The following SMYD1 variants were observed in gnomAD, a reference collection of about 807,000 sequenced individuals.
The protein encoded by SMYD1 is histone-lysine N-methyltransferase SMYD1.
In SMYD1, 49 loss-of-function variants were observed where a neutral mutation model predicts 54.0. The observed-to-expected ratio is 0.91, with a 90% confidence interval of 0.72 to 1.15. The LOEUF is 1.15. SMYD1 is among the 50% of genes most tolerant of loss of function. The pLI is 0.00. For missense variants in SMYD1, 653 were observed against 639.6 expected (o/e 1.02, Z -0.23); for synonymous variants, 269 against 234.2 (o/e 1.15, Z -1.36).
chr2:88,083,690 T>G (rs904775236), intron 1 of SMYD1, among the ~76,000 whole-genome samples: 1 of 152,236 alleles, frequency 6.6e-6, no homozygotes, highest in African/African-American at 2.4e-5. Flanking sequence ...CTCTAGTAAT[T>G]TGTGGTATTC....
chr2:88,077,169 C>T (rs185802174), intron 1 of SMYD1, among the ~76,000 whole-genome samples: 1 of 152,226 alleles, frequency 6.6e-6, no homozygotes, highest in Non-Finnish European at 1.5e-5. Flanking sequence ...ATGCAGGCAC[C>T]TTGTCTTTGC....
Position 88,111,067 on chromosome 2 carries a change from G to C in SMYD1, c.*555G>C, listed in dbSNP as rs1209085336. On this transcript the variant is annotated 3_prime_UTR_variant, in exon 10 of 10. Coordinates refer to ENST00000419482, the MANE Select transcript of SMYD1 (RefSeq NM_198274.4). ...TTGGCTGAGCAGGATATGTGATACT[G>C]TGTGGTTGGTGTGGAGTTTTGAAGA... 5.2e-5 allele frequency: 8 copies of C among 152,652 alleles called. No individual in the cohort carries two copies. The highest frequency in any genetic ancestry group is 1.2e-4 in the Non-Finnish European group (8 of 68,278). The allele number at this position is 152,652 out of a possible 1,614,324, so 9.5% of individuals were successfully genotyped here. A position where few individuals can be genotyped will look rare whatever the true frequency, so the allele number is the denominator to read the frequency against.
intron 1 of SMYD1, among the ~76,000 whole-genome samples, chr2:88,069,813 G>A (rs1673907507): frequency 6.6e-6 from 1 of 152,128 alleles, no homozygotes; most frequent in African/African-American, 2.4e-5. Context: ...CATTATACAA[G>A]CTATTATGCT....
At chr2:88,110,262 G>A (rs1002950962) in intron 9 of SMYD1, 92 bp from the exon 10 acceptor site, 255 of 1,366,824 alleles carry the variant, frequency 1.9e-4, no homozygotes, top group Non-Finnish European at 2.3e-4. Context: ...TTGAATCTCC[G>A]TGGCTGGAAA....
intron 1 of SMYD1, among the ~76,000 whole-genome samples, chr2:88,077,822 C>G (rs1017821479): frequency 2.0e-5 from 3 of 150,764 alleles, no homozygotes; most frequent in African/African-American, 7.3e-5. Flanking sequence ...CTCCCAGGTT[C>G]AAGCGATTCT....
Position 88,106,721 on chromosome 2 carries a change from A to G in SMYD1, c.1145+233A>G, listed in dbSNP as rs145450665. The stretch of plus-strand genomic sequence containing the variant: ...TATTTGTCATCCCTGGTCTTTCCCA[A>G]ATTCTCCAGCACATCTATCACTTGG... On this transcript the variant is annotated intron_variant, in intron 8 of 9. Transcript: ENST00000419482. Among the ~76,000 whole-genome samples, 539 of 152,178 alleles carry G rather than the reference A, an allele frequency of 3.5e-3. 4 individuals are homozygous for G. The highest frequency in any genetic ancestry group is 0.013 in the African/African-American group (527 of 41,514).
At chr2:88,104,241 C>G (rs1674803302) in intron 7 of SMYD1, among the ~76,000 whole-genome samples, 1 of 152,198 alleles carries the variant, frequency 6.6e-6, no homozygotes, top group Non-Finnish European at 1.5e-5. Context: ...GCTGGGATTA[C>G]AGGCGTGAGC....
At chr2:88,068,961 A>T (rs1673891509) in intron 1 of SMYD1, among the ~76,000 whole-genome samples, 2 of 152,170 alleles carry the variant, frequency 1.3e-5, no homozygotes, top group Admixed American at 1.3e-4. Flanking sequence ...TCTCCAGGGC[A>T]CAGGACTAGA....
intron 9 of SMYD1, 143 bp downstream of exon 9, chr2:88,108,682 T>G: frequency 4.1e-6 from 3 of 729,906 alleles, no homozygotes; most frequent in African/African-American, 1.8e-5. Context: ...TTTAGCCCAC[T>G]ACCCTTGTGT....
intron 1 of SMYD1, chr2:88,082,973 G>C (rs774704272): frequency 1.3e-5 from 2 of 152,158 alleles, no homozygotes; most frequent in Non-Finnish European, 2.9e-5. Context: ...CCTTTTCACT[G>C]TGGGAATTAG....
At chr2:88,108,070 C>T (rs2099823) in intron 8 of SMYD1, among the ~76,000 whole-genome samples, 4,949 of 152,320 alleles carry the variant, frequency 0.032, 279 homozygotes, top group African/African-American at 0.11. Flanking sequence ...TGTTCCTATT[C>T]GGCCATCTTG....
intron 9 of SMYD1, among the ~76,000 whole-genome samples, chr2:88,108,869 T>C (rs1486248485): frequency 1.3e-5 from 2 of 152,148 alleles, no homozygotes; most frequent in Non-Finnish European, 2.9e-5. Flanking sequence ...GGAGCCAGTG[T>C]GTCACCTGAT....
At position 88,091,205 on chromosome 2, in the gene SMYD1, CACTTG is replaced by C. The variant is rs1674455144; in HGVS notation, c.659+68_659+72del. ...ATGGGGAGACCTATGGTGTTTTCTC[CACTTG>C]ACTTAAGCCAAAGTCAACCTGCTAA... On this transcript the variant is annotated intron_variant, in intron 4 of 9. Transcript: ENST00000419482. The C allele has an allele frequency of 1.9e-5, 29 of 1,544,902 alleles. No individual in the cohort carries two copies. In the South Asian group the frequency reaches 3.3e-4, roughly 17 times the overall value.
Position 88,103,069 on chromosome 2 carries a change from A to C in SMYD1, c.900A>C (p.Glu300Asp), listed in dbSNP as rs758516080. ...GVKDNPKPSQ[E>D]VVKEMIQFSK... Reference sequence around the variant, plus strand: ...TCTCTCTTTCCCAGCCCTCTCAGGAAGTGGTGAAGGAGATGATACAATTCT... The same window carrying C: ...TCTCTCTTTCCCAGCCCTCTCAGGACGTGGTGAAGGAGATGATACAATTCT... Residue 300 changes from glutamate to aspartate, a missense_variant, in exon 7 of 10, where the codon GAA becomes GAC. Coordinates refer to ENST00000419482, the MANE Select transcript of SMYD1 (RefSeq NM_198274.4). 1 of 1,614,044 alleles carries C rather than the reference A, an allele frequency of 6.2e-7. No individual in the cohort carries two copies. The highest frequency in any genetic ancestry group is 8.5e-7 in the Non-Finnish European group (1 of 1,179,932).
intron 3 of SMYD1, among the ~76,000 whole-genome samples, chr2:88,089,616 A>G (rs1386299521): frequency 1.6e-4 from 17 of 105,644 alleles, no homozygotes; most frequent in Admixed American, 1.5e-3. Context: ...TTTTGAGATG[A>G]GGGTCTTACT....
At chr2:88,086,373 AGT>A (rs990022093) in intron 2 of SMYD1, among the ~76,000 whole-genome samples, 2 of 152,212 alleles carry the variant, frequency 1.3e-5, no homozygotes, top group Non-Finnish European at 2.9e-5. Context: ...ATGCCTGAAA[AGT>A]GTGCAGTCAG....
chr2:88,086,455 G>A (rs941434347), intron 2 of SMYD1, among the ~76,000 whole-genome samples: 5 of 152,144 alleles, frequency 3.3e-5, no homozygotes, highest in Non-Finnish European at 5.9e-5. Context: ...AGTTAACAAA[G>A]AGGGCTTCGG....
chr2:88,098,116 C>T (rs768392395), intron 6 of SMYD1, among the ~76,000 whole-genome samples: 3 of 152,188 alleles, frequency 2.0e-5, no homozygotes, highest in Non-Finnish European at 4.4e-5. Flanking sequence ...TCAGAACCTG[C>T]GGATAACATG....
intron 4 of SMYD1, among the ~76,000 whole-genome samples, chr2:88,092,911 T>C (rs1165420284): frequency 6.6e-6 from 1 of 152,216 alleles, no homozygotes; most frequent in Non-Finnish European, 1.5e-5. Flanking sequence ...TCTGGCTTCC[T>C]TGCATCTACT....
Sources: gnomAD v4.1 joint callset for allele counts (sites outside exome capture counted in the v4.1 genomes callset) on GRCh38, gnomAD v4.1.1 for gene constraint, MANE v1.5 for transcripts, NCBI Gene and HGNC (gene_info 2026-07-23, HGNC 2026-07-21) for gene names.